TKTL1: variants seen among roughly 807,000 people sequenced by gnomAD.
The protein encoded by TKTL1 is transketolase like 1, also known as transketolase-like protein 1.
In TKTL1, 1 loss-of-function variant was observed where a neutral mutation model predicts 39.3. The ratio of observed to expected loss-of-function variants is 0.03; its 90% CI spans 0.01 to 0.12. The LOEUF is 0.12. Among genes scored for constraint, TKTL1 ranks in the 10% least tolerant of loss-of-function variants. TKTL1 has a pLI of 1.00. For missense variants in TKTL1, 575 were observed against 509.6 expected (o/e 1.13, Z -1.24); for synonymous variants, 262 against 193.8 (o/e 1.35, Z -2.92).
chrX:154,323,471 A>G, intron 9 of TKTL1, 134 bp downstream of exon 9: 1 of 751,508 alleles, frequency 1.3e-6, no homozygotes, highest in African/African-American at 2.1e-5. Flanking sequence ...AGAATTCTTT[A>G]CAAAAAAAAC....
chrX:154,320,492 A>G, intron 7 of TKTL1: 1 of 381,266 alleles, frequency 2.6e-6, no homozygotes. Context: ...CGGGGCATGG[A>G]CCCTGGAAAG....
At chrX:154,311,363 A>G in intron 5 of TKTL1, 125 bp downstream of exon 5, 1 of 970,101 alleles carries the variant, frequency 1.0e-6, no homozygotes, top group South Asian at 2.3e-5. Flanking sequence ...TTCTGCCTGG[A>G]GTATATGTTG....
intron 6 of TKTL1, among the ~76,000 whole-genome samples, chrX:154,313,169 CTATT>C (rs1557168761): frequency 8.9e-6 from 1 of 111,966 alleles, no homozygotes; most frequent in African/African-American, 3.3e-5. Flanking sequence ...TGGTCAATTG[CTATT>C]TATTAGCTCC....
intron 7 of TKTL1, among the ~76,000 whole-genome samples, chrX:154,317,828 G>A (rs917242680): frequency 2.7e-5 from 3 of 111,090 alleles, no homozygotes. Flanking sequence ...CTGGGGGAAG[G>A]TGGTGTCACC....
At chrX:154,302,258 C>T (rs1164983035) in intron 1 of TKTL1, among the ~76,000 whole-genome samples, 1 of 110,644 alleles carries the variant, frequency 9.0e-6, no homozygotes, top group Non-Finnish European at 1.9e-5. Context: ...GTCCAATAGT[C>T]CTAAGAAATT....
At chrX:154,296,572 T>C (rs1557164595) in intron 1 of TKTL1, among the ~76,000 whole-genome samples, 1 of 111,377 alleles carries the variant, frequency 9.0e-6, no homozygotes, top group African/African-American at 3.3e-5. Flanking sequence ...TCGGGAGGCT[T>C]GCTTGTGCTG....
chrX:154,321,320 AC>A (rs1363108930), intron 8 of TKTL1, among the ~76,000 whole-genome samples: 3 of 109,083 alleles, frequency 2.8e-5, no homozygotes, highest in Non-Finnish European at 5.7e-5. Context: ...GGGGGCTGGG[AC>A]CACCATCACC....
intron 2 of TKTL1, 140 bp downstream of exon 2, chrX:154,305,561 T>G (rs2067308762): frequency 1.3e-6 from 1 of 771,484 alleles, no homozygotes; most frequent in Non-Finnish European, 1.8e-6. Flanking sequence ...AAAGCTCGAG[T>G]GTTCTAGTGA....
Position 154,295,812 on chromosome X carries a change from C to T in TKTL1, c.-48C>T, listed in dbSNP as rs370233902. 1.9e-4 allele frequency: 228 copies of T among 1,188,522 alleles called. No individual in the cohort carries two copies. In the Admixed American group the frequency reaches 1.9e-3, roughly 10 times the overall value. Reference sequence around the variant, plus strand: ...TCGCAGGCGCCATTCGCTCTTCAGACGCCGGAGACGTAGGAGTGGGTCTTC... The same window carrying T: ...TCGCAGGCGCCATTCGCTCTTCAGATGCCGGAGACGTAGGAGTGGGTCTTC... On this transcript the variant is annotated 5_prime_UTR_variant, in exon 1 of 13. In the 5' UTR this introduces an upstream ATG that the reference lacks. Coordinates refer to ENST00000369915, the MANE Select transcript of TKTL1 (RefSeq NM_012253.4).
At chrX:154,302,862 CAGAG>C (rs1321907024) in intron 1 of TKTL1, among the ~76,000 whole-genome samples, 1 of 111,254 alleles carries the variant, frequency 9.0e-6, no homozygotes, top group Non-Finnish European at 1.9e-5. Flanking sequence ...CCTGTGAAGG[CAGAG>C]AGGCAGGGAC....
chrX:154,329,696 G>C lies in TKTL1; in HGVS notation c.*8G>C, dbSNP rs1557172833. 2.5e-6 allele frequency: 3 copies of C among 1,204,321 alleles called. No individual in the cohort carries two copies. Among genetic ancestry groups the C allele is most frequent in the African/African-American group, 3.5e-5 (2 of 57,110 alleles). On this transcript the variant is annotated 3_prime_UTR_variant, in exon 13 of 13. Transcript: ENST00000369915. ...TGCATGTTGCTGAACTAAAATAGCT[G>C]TTAGCTTTGGTCTTTTGGCCTCTTT... is the stretch of plus-strand genomic sequence containing the variant.
chrX:154,312,095 C>T (rs1160458237), intron 5 of TKTL1, among the ~76,000 whole-genome samples: 1 of 112,062 alleles, frequency 8.9e-6, no homozygotes, highest in Non-Finnish European at 1.9e-5. Flanking sequence ...CCAAACCCTT[C>T]AATGGTTTCC....
intron 7 of TKTL1, among the ~76,000 whole-genome samples, chrX:154,318,988 G>A (rs971060693): frequency 9.0e-6 from 1 of 110,946 alleles, no homozygotes; most frequent in African/African-American, 3.3e-5. Flanking sequence ...CTGAGCATTA[G>A]GTTTTTTTTT....
At chrX:154,303,117 A>G (rs1476533396) in intron 1 of TKTL1, among the ~76,000 whole-genome samples, 2 of 110,940 alleles carry the variant, frequency 1.8e-5, no homozygotes, top group Non-Finnish European at 3.8e-5. Context: ...TTCCTGCGCC[A>G]GCCTCCTACC....
At chrX:154,301,818 C>G (rs1426023091) in intron 1 of TKTL1, among the ~76,000 whole-genome samples, 1 of 106,544 alleles carries the variant, frequency 9.4e-6, no homozygotes, top group Non-Finnish European at 1.9e-5. Flanking sequence ...GTTTCGAACT[C>G]CCGACCTCAG....
rs370898463 is a variant in TKTL1, at chrX:154,310,980, C to T, written c.495C>T (p.Pro165=). Residue 165 remains proline, a synonymous_variant, in exon 4 of 13, where the codon CCC becomes CCT. Coordinates refer to ENST00000369915, the MANE Select transcript of TKTL1 (RefSeq NM_012253.4). ...VNRLGHSGAL[P]AEHCINIYQR... ...GCCTGGGACACAGTGGTGCATTGCC[C>T]GCCGAGCACTGCATAAACATCTATC... 1.8e-5 allele frequency: 22 copies of T among 1,210,385 alleles called. No homozygotes were observed. Among genetic ancestry groups the T allele is most frequent in the Middle Eastern group, 4.6e-4 (2 of 4,376 alleles).
intron 5 of TKTL1, among the ~76,000 whole-genome samples, chrX:154,312,210 C>T (rs1165729612): frequency 8.9e-6 from 1 of 112,556 alleles, no homozygotes; most frequent in Non-Finnish European, 1.9e-5. Flanking sequence ...CCCTTCCACT[C>T]ACCAGTGGCC....
chrX:154,304,633 TCCCCATTTTCTTAA>T (rs1280818951), intron 1 of TKTL1, among the ~76,000 whole-genome samples: 13 of 107,961 alleles, frequency 1.2e-4, no homozygotes, highest in African/African-American at 4.4e-4. Context: ...GGAGGGACAG[TCCCCATTTTCTTAA>T]TGGGGACTTT....
chrX:154,303,379 ATTTTTTTTTTTTTTTTT>A (rs1172255094), intron 1 of TKTL1, among the ~76,000 whole-genome samples: 5 of 33,668 alleles, frequency 1.5e-4, no homozygotes, highest in South Asian at 1.8e-3. Flanking sequence ...TGCCCAGCTA[ATTTTTTTTTTTTTTTTT>A]TTTTTTTTTT....
Sources: gnomAD v4.1 joint callset for allele counts (sites outside exome capture counted in the v4.1 genomes callset) on GRCh38, gnomAD v4.1.1 for gene constraint, MANE v1.5 for transcripts, NCBI Gene and HGNC (gene_info 2026-07-23, HGNC 2026-07-21) for gene names.